Variants in CEBPZ observed in about 807,000 individuals in gnomAD.
CEBPZ encodes CCAAT enhancer binding protein zeta.
CEBPZ carries 78 observed loss-of-function variants against 104.5 expected under a neutral mutation model. The ratio of observed to expected loss-of-function variants is 0.75; its 90% CI spans 0.62 to 0.90. CEBPZ has a LOEUF of 0.90. CEBPZ is among the 40% of genes least tolerant of loss of function. CEBPZ has a pLI of 0.00. For synonymous variants in CEBPZ, 470 were observed against 427.0 expected (o/e 1.10, Z -1.24); for missense variants, 1,439 against 1,233.5 (o/e 1.17, Z -2.50).
intron 6 of CEBPZ, among the ~76,000 whole-genome samples, chr2:37,216,767 A>G (rs959348057): frequency 2.0e-5 from 3 of 152,210 alleles, no homozygotes; most frequent in African/African-American, 7.2e-5. Flanking sequence ...TAATAAATAA[A>G]TAACTGCGTG....
At chr2:37,217,678 G>A (rs977632811) in intron 5 of CEBPZ, among the ~76,000 whole-genome samples, 19 of 151,742 alleles carry the variant, frequency 1.3e-4, no homozygotes, top group East Asian at 3.9e-4. Context: ...TGAGGTGGGC[G>A]GATCACGAGG....
Position 37,228,180 on chromosome 2 carries a change from T to C in CEBPZ, c.1013A>G (p.Gln338Arg). The change falls in exon 2 of 16, where the codon CAG becomes CGG. Residue 338 changes from glutamine to arginine, a missense_variant. Coordinates refer to ENST00000234170, the MANE Select transcript of CEBPZ (RefSeq NM_005760.3). The stretch of plus-strand genomic sequence containing the variant: ...AAATTCAGCCACTAAGTGTTTCAGC[T>C]GGTGTTCAAAATACCATAATATCAG... ...RRLILWYFEHQLKHLVAEFVQ... is the reference protein window; with the variant it reads ...RRLILWYFEHRLKHLVAEFVQ... 6.2e-6 allele frequency: 10 copies of C among 1,614,258 alleles called. No individual in the cohort carries two copies. Among genetic ancestry groups the C allele is most frequent in the Non-Finnish European group, 8.5e-6 (10 of 1,180,044 alleles).
Position 37,228,359 on chromosome 2 carries a change from G to C in CEBPZ, c.834C>G (p.Ser278Arg), listed in dbSNP as rs141438261. The change falls in exon 2 of 16, where the codon AGC becomes AGG. Residue 278 changes from serine to arginine, a missense_variant. By Grantham distance (110) the Ser-to-Arg change is moderately radical. Coordinates refer to ENST00000234170, the MANE Select transcript of CEBPZ (RefSeq NM_005760.3). ...CCAAGGCCATAAGGCACTGCTGTTT[G>C]CTGCCCTTCTTTTTAACAAGGTTCA... ...TLVNLVKKKG[S>R]KQQCLMALDT... The C allele has an allele frequency of 1.1e-5, 18 of 1,614,060 alleles. No homozygotes were observed. Among genetic ancestry groups the C allele is most frequent in the African/African-American group, 2.7e-5 (2 of 74,916 alleles).
intron 13 of CEBPZ, among the ~76,000 whole-genome samples, chr2:37,205,095 TA>T (rs1431222717): frequency 2.0e-5 from 3 of 152,236 alleles, no homozygotes; most frequent in Non-Finnish European, 2.9e-5. Context: ...TGTTATAATT[TA>T]AATATGTATC....
intron 13 of CEBPZ, among the ~76,000 whole-genome samples, chr2:37,207,650 C>T (rs558882021): frequency 2.0e-4 from 31 of 152,224 alleles, no homozygotes; most frequent in African/African-American, 6.5e-4. Context: ...ACAGCAAAAG[C>T]GGCACTACAT....
chr2:37,210,013 CAT>C (rs1389024176), intron 13 of CEBPZ: 4 of 152,084 alleles, frequency 2.6e-5, no homozygotes, highest in Admixed American at 1.3e-4. Context: ...GGTCAAGAAA[CAT>C]ATGAAGAAAT....
intron 4 of CEBPZ, among the ~76,000 whole-genome samples, chr2:37,220,952 G>A (rs1664756470): frequency 2.0e-5 from 3 of 152,184 alleles, no homozygotes; most frequent in South Asian, 2.1e-4. Context: ...AACCAAGATC[G>A]TGCCATTGTG....
In CEBPZ at chr2:37,228,895, A is replaced by G; in HGVS notation, c.298T>C (p.Ser100Pro). The part of the protein sequence containing the change: ...NLNLAKYTKA[S>P]LVEEDEPAEK... Reference sequence around the variant, plus strand: ...GCTGGTTCATCTTCTTCAACTAAGGAAGCTTTTGTATACTTCGCCAAATTA... The same window carrying G: ...GCTGGTTCATCTTCTTCAACTAAGGGAGCTTTTGTATACTTCGCCAAATTA... The change falls in exon 2 of 16, where the codon TCC becomes CCC. Residue 100 changes from serine to proline, a missense_variant. Transcript: ENST00000234170. 8 of 1,609,644 alleles carry G rather than the reference A, an allele frequency of 5.0e-6. No homozygotes were observed. Among genetic ancestry groups the G allele is most frequent in the Non-Finnish European group, 6.8e-6 (8 of 1,178,740 alleles).
chr2:37,227,663 T>A lies in CEBPZ; in HGVS notation c.1530A>T (p.Thr510=). 1 of 1,614,208 alleles carries A rather than the reference T, an allele frequency of 6.2e-7. No homozygotes were observed. Among genetic ancestry groups the A allele is most frequent in the Non-Finnish European group, 8.5e-7 (1 of 1,180,030 alleles). The change falls in exon 2 of 16, where the codon ACA becomes ACT. Residue 510 remains threonine, a synonymous_variant. Coordinates refer to ENST00000234170, the MANE Select transcript of CEBPZ (RefSeq NM_005760.3). ...TCACAATATGCAACACTTTAAACAG[T>A]GTGTCAATCTGCTCCCTTACTTTGT... The part of the protein sequence containing the change: ...GDDKVREQID[T]LFKVLHIVNF...
intron 8 of CEBPZ, 126 bp from the exon 9 acceptor site, chr2:37,215,078 C>A: frequency 1.5e-6 from 1 of 660,912 alleles, no homozygotes; most frequent in Non-Finnish European, 2.7e-6. Flanking sequence ...GGAAGGTAGA[C>A]AGAAGGGACT....
chr2:37,219,598 C>T (rs902589361), intron 5 of CEBPZ, among the ~76,000 whole-genome samples: 2 of 151,996 alleles, frequency 1.3e-5, no homozygotes, highest in East Asian at 1.9e-4. Context: ...GTGACCTGGC[C>T]GACTCACTAA....
At position 37,212,391 on chromosome 2, in the gene CEBPZ, G is replaced by A. The variant is rs1396489155; in HGVS notation, c.2547C>T (p.Asp849=). 6.2e-7 allele frequency: 1 copy of A among 1,612,364 alleles called. No individual in the cohort carries two copies. The highest frequency in any genetic ancestry group is 1.3e-5 in the African/African-American group (1 of 74,868). The change falls in exon 11 of 16, where the codon GAC becomes GAT. Residue 849 remains aspartate (D), a splice_region_variant and synonymous_variant. Coordinates refer to ENST00000234170, the MANE Select transcript of CEBPZ (RefSeq NM_005760.3). ...VDDEEFEELI[D]TFEDDNCFSS... ...TGAAACAGTTATCATCTTCAAATGT[G>A]TCTGCCAGACAATACAGAAATGTGA... is the stretch of plus-strand genomic sequence containing the variant.
At chr2:37,213,823 A>G (rs376248607) in intron 10 of CEBPZ, 41 bp downstream of exon 10, 4 of 1,319,882 alleles carry the variant, frequency 3.0e-6, no homozygotes, top group South Asian at 1.2e-5. Flanking sequence ...ATTAACACAT[A>G]GTAGTAGATT....
At chr2:37,205,924 A>T (rs1169457651) in intron 13 of CEBPZ, among the ~76,000 whole-genome samples, 1 of 152,352 alleles carries the variant, frequency 6.6e-6, no homozygotes, top group East Asian at 1.9e-4. Flanking sequence ...GGATTATTGC[A>T]AGGGTCAAAT....
chr2:37,231,558 C>T lies in CEBPZ; in HGVS notation c.10G>A (p.Val4Ile), dbSNP rs370188714. Residue 4 changes from valine to isoleucine, a missense_variant, in exon 1 of 16, where the codon GTC becomes ATC. By Grantham distance (29) the Val-to-Ile change is conservative (BLOSUM62 3). Transcript: ENST00000234170. ...GCATGGAACTCCAAAGGCTCCTTGA[C>T]TGCGGCCATGGCGGGCAAAGCATAC... MAA[V>I]KEPLEFHAKR... 3.7e-6 allele frequency: 6 copies of T among 1,614,136 alleles called. No homozygotes were observed. In the East Asian group the frequency reaches 8.9e-5, roughly 24 times the overall value.
rs774074936 is a variant in CEBPZ at position 37,223,332 on chromosome 2, A to G, written c.1719T>C (p.Ser573=). 2 of 1,614,186 alleles carry G rather than the reference A, an allele frequency of 1.2e-6. No homozygotes were observed. The part of the protein sequence containing the change: ...QAMFLNLVYK[S]LKADIVLRRV... The stretch of plus-strand genomic sequence containing the variant: ...GGCGCAACACAATGTCAGCTTTCAG[A>G]GATTTGTAGACAAGGTTAAGAAACA... The change falls in exon 3 of 16, where the codon TCT becomes TCC. Residue 573 remains serine (S), a synonymous_variant. Transcript: ENST00000234170.
At chr2:37,211,516 T>C (rs1176100670) in intron 12 of CEBPZ, 5 of 263,806 alleles carry the variant, frequency 1.9e-5, no homozygotes, top group Admixed American at 1.5e-4. Context: ...TGCTGGGCTA[T>C]GATGAATACT....
chr2:37,222,262 C>T (rs1284052620), intron 4 of CEBPZ, 118 bp downstream of exon 4: 6 of 856,778 alleles, frequency 7.0e-6, no homozygotes, highest in Non-Finnish European at 1.0e-5. Context: ...CCAGCCTGGG[C>T]AACAGAGTGA....
intron 15 of CEBPZ, 48 bp downstream of exon 15, chr2:37,202,736 A>G (rs562819662): frequency 1.8e-6 from 2 of 1,112,428 alleles, no homozygotes; most frequent in South Asian, 1.7e-5. Flanking sequence ...TGAAGTTCCA[A>G]GCCAAAGCTA....
Sources: allele counts gnomAD v4.1 joint callset (sites outside exome capture counted in the v4.1 genomes callset), GRCh38; gene constraint gnomAD v4.1.1; transcripts MANE v1.5; gene names NCBI Gene and HGNC (gene_info 2026-07-23, HGNC 2026-07-21).